The following KIDINS220 variants were observed in gnomAD, a reference collection of about 807,000 sequenced individuals.
The protein encoded by KIDINS220 is kinase D-interacting substrate of 220 kDa.
In KIDINS220, 63 loss-of-function variants were observed where a neutral mutation model predicts 157.6. That is an observed-to-expected ratio of 0.40 (90% CI 0.33 to 0.49). The LOEUF is 0.49. Ranked by LOEUF, KIDINS220 falls within the 20% of genes least tolerant of loss-of-function variation. The pLI is 0.66. For synonymous variants in KIDINS220, 732 were observed against 783.6 expected, an observed-to-expected ratio of 0.93 and a Z score of 1.10; for missense variants, 1,772 against 2,171.2, an observed-to-expected ratio of 0.82 and a Z score of 3.65.
rs527448606 is a variant in KIDINS220, at chr2:8,737,777, T to A, written c.3586-778A>T. On this transcript the variant is annotated intron_variant, in intron 26 of 29. Transcript: ENST00000256707. Reference sequence around the variant, plus strand: ...CCAGCACAGATGTGCTCATTGTGGTTTAGAGGGTGCATCAGCCTGGTCAAA... The same window carrying A: ...CCAGCACAGATGTGCTCATTGTGGTATAGAGGGTGCATCAGCCTGGTCAAA... Among the ~76,000 whole-genome samples the A allele has an allele frequency of 2.0e-5, 3 of 152,278 alleles. No homozygotes were observed. The East Asian group carries it at 5.8e-4, about 29-fold the overall frequency.
At chr2:8,727,491 T>C (rs889884178), downstream of KIDINS220, among the ~76,000 whole-genome samples, 4 of 152,250 alleles carry the variant, frequency 2.6e-5, no homozygotes, top group Non-Finnish European at 5.9e-5. Context: ...ATGGGATACT[T>C]CTAAATAGGC....
chr2:8,727,395 G>A (rs559679214), downstream of KIDINS220: 76 of 327,452 alleles, frequency 2.3e-4, no homozygotes, highest in African/African-American at 5.4e-4. Context: ...GAAGGGGCAC[G>A]GTGCCTTCTA....
At chr2:8,804,731 G>A (rs962709699) in intron 7 of KIDINS220, among the ~76,000 whole-genome samples, 3 of 152,102 alleles carry the variant, frequency 2.0e-5, no homozygotes, top group Admixed American at 1.3e-4. Flanking sequence ...TTTGTACTAC[G>A]TATAGGAAAA....
chr2:8,750,496 C>T (rs1667200742), intron 23 of KIDINS220, among the ~76,000 whole-genome samples, 161 bp from the exon 24 acceptor site: 1 of 152,176 alleles, frequency 6.6e-6, no homozygotes, highest in Admixed American at 6.5e-5. Flanking sequence ...ATCTTGAAAA[C>T]TCACAGGCCT....
At chr2:8,792,955 T>C (rs527908935) in intron 12 of KIDINS220, among the ~76,000 whole-genome samples, 4 of 152,344 alleles carry the variant, frequency 2.6e-5, no homozygotes, top group African/African-American at 9.6e-5. Context: ...TATGCAATAA[T>C]TAAAATATGA....
intron 21 of KIDINS220, among the ~76,000 whole-genome samples, chr2:8,771,261 T>C (rs769444086): frequency 1.3e-5 from 2 of 152,238 alleles, no homozygotes; most frequent in Admixed American, 1.3e-4. Context: ...TGCCAGTCCA[T>C]TCTCGTTGTA....
At chr2:8,721,777 T>C (rs1169950237), downstream of KIDINS220, 1 of 152,258 alleles carries the variant, frequency 6.6e-6, no homozygotes, top group East Asian at 1.9e-4. Context: ...AGTAGCTGTG[T>C]GACTTTGGGC....
chr2:8,758,279 C>G lies in KIDINS220; in HGVS notation c.3012-6635G>C, dbSNP rs150115633. 2.0e-4 allele frequency among the ~76,000 whole-genome samples: 30 copies of G among 152,204 alleles called. No homozygotes were observed. The East Asian group carries it at 5.8e-3, about 29-fold the overall frequency. ...TGTGGTTTTTCCTGTCTATGTAATCCCCAAATTAAAATCCTCACTTCCCAG... is the reference window on the plus strand; with the variant it reads ...TGTGGTTTTTCCTGTCTATGTAATCGCCAAATTAAAATCCTCACTTCCCAG... On this transcript the variant is annotated intron_variant, in intron 22 of 29. Coordinates refer to ENST00000256707, the MANE Select transcript of KIDINS220 (RefSeq NM_020738.4).
intron 20 of KIDINS220, among the ~76,000 whole-genome samples, chr2:8,777,238 A>T (rs1212333843): frequency 6.6e-6 from 1 of 152,126 alleles, no homozygotes; most frequent in African/African-American, 2.4e-5. Context: ...ATTTATAGAA[A>T]CCCTTAAGTA....
rs777475307 is a variant in KIDINS220, at chr2:8,776,895, G to A, written c.2704-3C>T. The A allele has an allele frequency of 1.3e-5, 21 of 1,612,926 alleles. 1 individual carries two copies. The East Asian group carries it at 2.5e-4, about 19-fold the overall frequency. ...ATCTGCCTTCTTCGGTAAGTGTCCT[G>A]AAACAGCACGTCGTCAGTGAGAAGG... is the stretch of plus-strand genomic sequence containing the variant. On this transcript the variant is annotated splice_polypyrimidine_tract_variant and splice_region_variant and intron_variant, in intron 20 of 29. Transcript: ENST00000256707.
At chr2:8,751,671 G>C in intron 22 of KIDINS220, 27 bp from the exon 23 acceptor site, 1 of 1,474,250 alleles carries the variant, frequency 6.8e-7, no homozygotes, top group South Asian at 1.2e-5. Context: ...AATGAAAAAG[G>C]TTATTAATGT....
chr2:8,823,374 AC>A (rs1430257732), intron 2 of KIDINS220, among the ~76,000 whole-genome samples: 19 of 152,140 alleles, frequency 1.2e-4, no homozygotes, highest in African/African-American at 4.6e-4. Context: ...AAAAATACAA[AC>A]AACTTTTTGT....
chr2:8,808,478 C>T (rs1389778235), intron 6 of KIDINS220, among the ~76,000 whole-genome samples: 1 of 152,200 alleles, frequency 6.6e-6, no homozygotes, highest in African/African-American at 2.4e-5. Flanking sequence ...GCACATGAGC[C>T]GGCTAGTCCT....
At chr2:8,800,310 A>G in intron 9 of KIDINS220, 90 bp downstream of exon 9, 2 of 750,684 alleles carry the variant, frequency 2.7e-6, no homozygotes, top group Non-Finnish European at 4.2e-6. Flanking sequence ...GTTTATCTCC[A>G]TAGGAAAGTG....
chr2:8,737,503 G>A (rs1385299575), intron 26 of KIDINS220, among the ~76,000 whole-genome samples: 3 of 152,208 alleles, frequency 2.0e-5, no homozygotes, highest in African/African-American at 7.2e-5. Flanking sequence ...GAAGTTTTCA[G>A]ATCTTCATCA....
At chr2:8,747,297 C>A (rs185898616) in intron 25 of KIDINS220, 96 bp from the exon 26 acceptor site, 2 of 1,022,558 alleles carry the variant, frequency 2.0e-6, no homozygotes, top group Admixed American at 1.7e-5. Context: ...ATATACAACA[C>A]TGAAACTCAA....
In KIDINS220 at chr2:8,731,212, C is replaced by A. The variant is rs1044280; in HGVS notation, c.4824G>T (p.Gln1608His). 0.27 allele frequency: 428,307 copies of A among 1,613,864 alleles called. 57,880 individuals carry two copies. Among genetic ancestry groups the A allele is most frequent in the Admixed American group, 0.27 (16,207 of 59,998 alleles). ...GCTCTATGAGATTTGCCTTTTCAAGCTGGGAGTCATCCGCCACTTCATTGT... is the reference window on the plus strand; with the variant it reads ...GCTCTATGAGATTTGCCTTTTCAAGATGGGAGTCATCCGCCACTTCATTGT... The part of the protein sequence containing the change: ...SLHNEVADDS[Q>H]LEKANLIELE... Residue 1608 changes from glutamine (Q) to histidine (H), a missense_variant, in exon 30 of 30, where the codon CAG (glutamine) becomes CAT (histidine). This residue lies in a region of KIDINS220 where 793 missense variants were observed against 885.5 expected (regional missense o/e 0.90). Coordinates refer to ENST00000256707, the MANE Select transcript of KIDINS220 (RefSeq NM_020738.4). This position sits in a 1 kb window ranked among gnomAD's most constrained non-coding sequence, Gnocchi z 5.2.
At position 8,818,692 on chromosome 2, in the gene KIDINS220, T is replaced by C. The variant is rs374940372; in HGVS notation, c.207+3A>G. 193 of 1,506,264 alleles carry C rather than the reference T, an allele frequency of 1.3e-4. No individual in the cohort carries two copies. The highest frequency in any genetic ancestry group is 1.7e-4 in the Non-Finnish European group (184 of 1,088,238). 93.3% of individuals were successfully genotyped at this position (1,506,264 alleles called of 1,614,324 possible). ...ATGATGAGTAAATTATTTTAATATA[T>C]ACCAAATCTTCCAGATTGCAGTTAG... is the stretch of plus-strand genomic sequence containing the variant. On this transcript the variant is annotated splice_donor_region_variant and intron_variant, in intron 3 of 29. Transcript: ENST00000256707.
At position 8,818,804 on chromosome 2, in the gene KIDINS220, TA is replaced by T; in HGVS notation, c.109-12del. 6.6e-7 allele frequency: 1 copy of T among 1,523,684 alleles called. No individual in the cohort carries two copies. Among genetic ancestry groups the T allele is most frequent in the Non-Finnish European group, 9.0e-7 (1 of 1,114,150 alleles). 94.4% of individuals were successfully genotyped at this position (1,523,684 alleles called of 1,614,324 possible). A position where few individuals can be genotyped will look rare whatever the true frequency, so the allele number is the denominator to read the frequency against. ...TGGAGTCTGGCCACACTAGAGAATA[TA>T]AAAGACAAAGGGAACTTATCAAGTT... On this transcript the variant is annotated splice_polypyrimidine_tract_variant and intron_variant, in intron 2 of 29. Transcript: ENST00000256707.
Sources: allele counts gnomAD v4.1 joint callset (sites outside exome capture counted in the v4.1 genomes callset), GRCh38; gene constraint gnomAD v4.1.1; regional missense constraint gnomAD v4.1.1; non-coding constraint Gnocchi (gnomAD v3.1); transcripts MANE v1.5; gene names NCBI Gene and HGNC (gene_info 2026-07-23, HGNC 2026-07-21).